The following DNMBP variants were observed in gnomAD, a reference collection of about 807,000 sequenced individuals.
DNMBP encodes dynamin-binding protein.
Under a neutral mutation model 150.0 loss-of-function variants are expected in DNMBP, and 87 were observed. The observed-to-expected ratio is 0.58, with a 90% CI of 0.49 to 0.69. The LOEUF is 0.69. Among genes scored for constraint, DNMBP ranks in the 30% least tolerant of loss-of-function variants. DNMBP has a pLI of 0.00. For missense variants in DNMBP, 1,774 were observed against 1,949.0 expected, an observed-to-expected ratio of 0.91 and a Z score of 1.69; for synonymous variants, 711 against 750.4, an observed-to-expected ratio of 0.95 and a Z score of 0.86.
At chr10:99,940,357 T>G (rs2040281144) in intron 4 of DNMBP, among the ~76,000 whole-genome samples, 1 of 152,102 alleles carries the variant, frequency 6.6e-6, no homozygotes, top group African/African-American at 2.4e-5. Flanking sequence ...TTTCTTCACC[T>G]TTTCACCATC....
chr10:99,987,630 A>AG (rs2040843065), intron 1 of DNMBP, among the ~76,000 whole-genome samples: 1 of 151,696 alleles, frequency 6.6e-6, no homozygotes, highest in Non-Finnish European at 1.5e-5. Context: ...GCTACTTGGG[A>AG]GCTGAGGCAG....
chr10:99,984,859 T>C (rs1711948288), intron 1 of DNMBP, among the ~76,000 whole-genome samples: 1 of 152,146 alleles, frequency 6.6e-6, no homozygotes, highest in South Asian at 2.1e-4. Flanking sequence ...TCACAAGTAG[T>C]TGGAACTACA....
intron 1 of DNMBP, among the ~76,000 whole-genome samples, chr10:100,004,418 G>A (rs1032622874): frequency 6.6e-6 from 1 of 152,028 alleles, no homozygotes; most frequent in Non-Finnish European, 1.5e-5. Flanking sequence ...CAAAGTCACT[G>A]TAATAAAATT....
At chr10:99,912,347 G>C (rs2039910460) in intron 4 of DNMBP, among the ~76,000 whole-genome samples, 1 of 152,084 alleles carries the variant, frequency 6.6e-6, no homozygotes, top group Non-Finnish European at 1.5e-5. Context: ...ACTAATTATA[G>C]TAGTTGAAAA....
chr10:99,903,921 ATT>A (rs72240738), intron 6 of DNMBP, among the ~76,000 whole-genome samples: 1 of 144,510 alleles, frequency 6.9e-6, no homozygotes, highest in South Asian at 2.2e-4. Context: ...AATAGAATGG[ATT>A]TTTTTTTTTT....
intron 1 of DNMBP, among the ~76,000 whole-genome samples, chr10:100,006,780 C>T (rs11190364): frequency 0.28 from 41,902 of 151,820 alleles, 6,006 homozygotes; most frequent in Non-Finnish European, 0.3. Context: ...ATGCTCATCC[C>T]ACTGCCTCCT....
chr10:99,955,645 G>A lies in DNMBP; in HGVS notation c.1829C>T (p.Pro610Leu), dbSNP rs2040480748. The A allele has an allele frequency of 1.2e-6, 2 of 1,614,202 alleles. No homozygotes were observed. The highest frequency in any genetic ancestry group is 2.2e-5 in the East Asian group (1 of 44,892). ...CGGAGTACAGGGACGAGGTGGCGGT[G>A]GCCTTAGGGCCTTTCTCCTTTCCGG... is the stretch of plus-strand genomic sequence containing the variant. The part of the protein sequence containing the change: ...ELPERRKALR[P>L]PPPRPCTPVS... Residue 610 changes from proline to leucine, a missense_variant, in exon 4 of 17, where the codon CCA becomes CTA. Physicochemically the swap from Pro to Leu is moderately conservative, Grantham distance 98. Around this residue, in one of 2 missense-constraint regions of DNMBP, gnomAD observed 1,430 missense variants for 1,492.5 expected, o/e 0.96. Transcript: ENST00000324109.
chr10:99,893,343 A>G (rs2039601809), intron 11 of DNMBP, among the ~76,000 whole-genome samples: 1 of 152,238 alleles, frequency 6.6e-6, no homozygotes, highest in African/African-American at 2.4e-5. Flanking sequence ...GACTAGTTCT[A>G]ATCTTTTCCA....
At chr10:99,884,819 C>G (rs1391228135) in intron 14 of DNMBP, among the ~76,000 whole-genome samples, 4 of 152,104 alleles carry the variant, frequency 2.6e-5, no homozygotes, top group Non-Finnish European at 4.4e-5. Context: ...AGGAGAATCA[C>G]TTGAACCTGG....
chr10:99,906,752 C>T (rs1466943584), intron 6 of DNMBP, among the ~76,000 whole-genome samples: 1 of 152,118 alleles, frequency 6.6e-6, no homozygotes, highest in East Asian at 1.9e-4. Flanking sequence ...GCAGTCCAGG[C>T]CAACAACTGA....
chr10:99,909,231 C>T, intron 4 of DNMBP, 85 bp from the exon 5 acceptor site: 1 of 1,042,636 alleles, frequency 9.6e-7, no homozygotes, highest in Non-Finnish European at 1.4e-6. Context: ...AACCCATTTC[C>T]TGAGAACCAA....
chr10:99,947,117 T>G (rs2040366016), intron 4 of DNMBP, among the ~76,000 whole-genome samples: 1 of 152,222 alleles, frequency 6.6e-6, no homozygotes, highest in Admixed American at 6.5e-5. Flanking sequence ...ACACTGTTAG[T>G]GGGAATGTAA....
At chr10:99,983,173 T>G (rs2040796675) in intron 1 of DNMBP, among the ~76,000 whole-genome samples, 1 of 152,326 alleles carries the variant, frequency 6.6e-6, no homozygotes, top group East Asian at 1.9e-4. Flanking sequence ...ATGAGCATCC[T>G]TATGTTTTGG....
rs1589412096 is a variant in DNMBP, at chr10:99,908,935, C to T, written c.2454+18G>A. ...GACCATATTCAAGGTCAAACTAACT[C>T]TGTCTCCCAGTTCCCACCTGTGCCT... On this transcript the variant is annotated intron_variant, in intron 5 of 16. Coordinates refer to ENST00000324109, the MANE Select transcript of DNMBP (RefSeq NM_015221.4). 6.2e-7 allele frequency: 1 copy of T among 1,605,888 alleles called. No homozygotes were observed. The highest frequency in any genetic ancestry group is 8.5e-7 in the Non-Finnish European group (1 of 1,175,134).
intron 3 of DNMBP, among the ~76,000 whole-genome samples, chr10:99,965,138 G>A (rs962691614): frequency 3.3e-5 from 5 of 152,056 alleles, no homozygotes; most frequent in Non-Finnish European, 5.9e-5. Flanking sequence ...TTTACTGAGC[G>A]CTTACCTACT....
At chr10:99,914,084 A>T (rs2039934970) in intron 4 of DNMBP, 1 of 1,404,628 alleles carries the variant, frequency 7.1e-7, no homozygotes, top group Non-Finnish European at 9.3e-7. Context: ...CATTTCCCCC[A>T]GGCTTCCCAC....
intron 6 of DNMBP, among the ~76,000 whole-genome samples, chr10:99,904,571 C>T (rs2039796533): frequency 6.6e-6 from 1 of 152,090 alleles, no homozygotes; most frequent in African/African-American, 2.4e-5. Flanking sequence ...CACGCCTGGC[C>T]TTCCGTTAGA....
At chr10:99,973,080 C>CATTTATTTATTTATTTATTT (rs35399198) in intron 1 of DNMBP, among the ~76,000 whole-genome samples, 184 of 149,698 alleles carry the variant, frequency 1.2e-3, no homozygotes, top group African/African-American at 4.3e-3. Flanking sequence ...CTGCCTGCGG[C>CATTTATTTATTTATTTATTT]ATTTATTTAT....
intron 1 of DNMBP, among the ~76,000 whole-genome samples, chr10:100,000,859 CAAAAAAAAAAAAA>C (rs36026874): frequency 1.3e-4 from 7 of 52,510 alleles, no homozygotes; most frequent in Admixed American, 2.9e-4. Flanking sequence ...CCTGTTATGG[CAAAAAAAAAAAAA>C]AAAAAAAAAA....
Sources: allele counts gnomAD v4.1 joint callset (sites outside exome capture counted in the v4.1 genomes callset), GRCh38; gene constraint gnomAD v4.1.1; regional missense constraint gnomAD v4.1.1; transcripts MANE v1.5; gene names NCBI Gene and HGNC (gene_info 2026-07-23, HGNC 2026-07-21).